The following CHD8 variants were observed in gnomAD, a reference collection of about 807,000 sequenced individuals.
CHD8 encodes the protein ATP-dependent chromatin remodeler CHD8.
Under a neutral mutation model 279.2 loss-of-function variants are expected in CHD8, and 31 were observed. That is an observed-to-expected ratio of 0.11 (90% CI 0.08 to 0.15). The LOEUF is 0.15. Ranked by LOEUF, CHD8 falls within the 10% of genes least tolerant of loss-of-function variation. The pLI is 1.00. For synonymous variants in CHD8, 1,081 were observed against 1,139.6 expected, an observed-to-expected ratio of 0.95 and a Z score of 1.04; for missense variants, 2,146 against 3,230.5, an observed-to-expected ratio of 0.66 and a Z score of 8.14.
intron 37 of CHD8, among the ~76,000 whole-genome samples, chr14:21,389,483 C>A (rs145308523): frequency 6.6e-6 from 1 of 151,880 alleles, no homozygotes; most frequent in Non-Finnish European, 1.5e-5. Context: ...TGGTAGCATG[C>A]GCCAGTGGTC....
At chr14:21,445,152 T>C (rs552598714) in intron 1 of CHD8, among the ~76,000 whole-genome samples, 84 of 152,358 alleles carry the variant, frequency 5.5e-4, no homozygotes, top group African/African-American at 2.0e-3. Context: ...CTGCCTTTAT[T>C]ACCCTTTGGC....
chr14:21,396,493 A>C (rs1006429819), intron 27 of CHD8: 3 of 152,192 alleles, frequency 2.0e-5, no homozygotes, highest in Admixed American at 6.6e-5. Flanking sequence ...TTGTTAGTAG[A>C]GATGGGGTTT....
rs1298369640 is a variant in CHD8 at position 21,385,228 on chromosome 14, G to C, written c.*385C>G. ...ATTAACTTAAATTTATTAATGCCAA[G>C]GGGAAAGAAGGTAACAGTTCCTGAC... On this transcript the variant is annotated 3_prime_UTR_variant, in exon 38 of 38. Coordinates refer to ENST00000646647, the MANE Select transcript of CHD8 (RefSeq NM_001170629.2). The C allele has an allele frequency of 4.9e-6, 1 of 204,892 alleles. No homozygotes were observed. The highest frequency in any genetic ancestry group is 2.3e-5 in the African/African-American group (1 of 43,184). 12.7% of individuals were successfully genotyped at this position (204,892 alleles called of 1,614,324 possible). A position where few individuals can be genotyped will look rare whatever the true frequency, so the allele number is the denominator to read the frequency against.
chr14:21,419,281 G>C (rs1260373777), intron 5 of CHD8, among the ~76,000 whole-genome samples: 2 of 152,128 alleles, frequency 1.3e-5, no homozygotes, highest in Non-Finnish European at 2.9e-5. Flanking sequence ...AGGGTGGGCC[G>C]GGAGCGGTGG....
chr14:21,450,886 C>T (rs1450063665), intron 1 of CHD8, among the ~76,000 whole-genome samples: 1 of 151,582 alleles, frequency 6.6e-6, no homozygotes, highest in Non-Finnish European at 1.5e-5. Context: ...TTGGCACTAT[C>T]ACATTTAAGG....
rs1888132337 is a variant in CHD8, at chr14:21,403,727, T to C, written c.3308-64A>G. On this transcript the variant is annotated intron_variant, in intron 16 of 37. Coordinates refer to ENST00000646647, the MANE Select transcript of CHD8 (RefSeq NM_001170629.2). This position sits in a 1 kb window ranked among gnomAD's most constrained non-coding sequence, Gnocchi z 4.3. Reference sequence around the variant, plus strand: ...AACCATATTAAGGTTGTAGTCTATTTAACTAAGAAAGCAAAAGGAAAAAAA... The same window carrying C: ...AACCATATTAAGGTTGTAGTCTATTCAACTAAGAAAGCAAAAGGAAAAAAA... 2 of 1,331,712 alleles carry C rather than the reference T, an allele frequency of 1.5e-6. No individual in the cohort carries two copies. Among genetic ancestry groups the C allele is most frequent in the South Asian group, 1.3e-5 (1 of 77,322 alleles). 82.5% of individuals were successfully genotyped at this position (1,331,712 alleles called of 1,614,324 possible).
At position 21,438,528 on chromosome 14, in the gene CHD8, A is replaced by AAG. The variant is rs1277709945; in HGVS notation, c.-215-6671_-215-6670insCT. On this transcript the variant is annotated intron_variant, in intron 1 of 37. Transcript: ENST00000646647. ...CTAGTCTCTTAAAAAAAAAAAAAAAAAAAGAAAGAAAGAAAAAAGAAAGAT... is the reference window on the plus strand; with the variant it reads ...CTAGTCTCTTAAAAAAAAAAAAAAAAAGAAAGAAAGAAAGAAAAAAGAAAGAT... Among the ~76,000 whole-genome samples the AAG allele has an allele frequency of 1.8e-3, 273 of 150,198 alleles. 2 individuals carry two copies. Among genetic ancestry groups the AAG allele is most frequent in the East Asian group, 2.9e-3 (15 of 5,104 alleles).
chr14:21,394,605 C>CA (rs3068337), intron 30 of CHD8, 120 bp from the exon 31 acceptor site: 52,585 of 108,448 alleles, frequency 0.48, 15,159 homozygotes, highest in Non-Finnish European at 0.51. Flanking sequence ...AAAGTAGACG[C>CA]AAAAAAAAAA....
At chr14:21,392,046 C>A (rs1357797661) in intron 34 of CHD8, 100 bp from the exon 35 acceptor site, 1 of 866,312 alleles carries the variant, frequency 1.2e-6, no homozygotes, top group Non-Finnish European at 2.0e-6. Flanking sequence ...ATCCTCTTGC[C>A]CAATGATGGT....
rs766456579 is a variant in CHD8 at position 21,400,500 on chromosome 14, G to A, written c.4483C>T (p.Arg1495Cys). ...AILVYCLLHY[R>C]GDENIKGFIW... The stretch of plus-strand genomic sequence containing the variant: ...AAGCCTTTAATATTTTCATCCCCAC[G>A]GTAGTGTAGAAGACAGTACACGAGA... Residue 1495 changes from arginine to cysteine, a missense_variant, in exon 23 of 38, where the codon CGT (arginine) becomes TGT (cysteine). Physicochemically the swap from Arg to Cys is radical, Grantham distance 180. Around this residue, in one of 26 missense-constraint regions of CHD8, gnomAD observed 73 missense variants for 153.2 expected, o/e 0.48. Transcript: ENST00000646647. The surrounding 1 kb of genome is among the most constrained non-coding windows in gnomAD (Gnocchi z 4.2). 53 of 1,612,922 alleles carry A rather than the reference G, an allele frequency of 3.3e-5. No individual in the cohort carries two copies. Among genetic ancestry groups the A allele is most frequent in the Admixed American group, 2.8e-4 (17 of 59,772 alleles).
chr14:21,401,685 A>G, intron 20 of CHD8, 172 bp from the exon 21 acceptor site: 1 of 584,938 alleles, frequency 1.7e-6, no homozygotes, highest in Admixed American at 3.4e-5. Context: ...CCTGGGTTCA[A>G]GTGATTCTCC....
At chr14:21,393,031 G>T in intron 33 of CHD8, 75 bp downstream of exon 33, 10 of 1,468,784 alleles carry the variant, frequency 6.8e-6, no homozygotes, top group Non-Finnish European at 7.3e-6. Flanking sequence ...AGAACCATAT[G>T]TTCCTTTTTC....
At chr14:21,417,047 C>T (rs1039432465) in intron 5 of CHD8, among the ~76,000 whole-genome samples, 1 of 152,062 alleles carries the variant, frequency 6.6e-6, no homozygotes, top group Non-Finnish European at 1.5e-5. Context: ...TTGCAGTGAG[C>T]AAACTTCATT....
intron 1 of CHD8, among the ~76,000 whole-genome samples, chr14:21,445,797 C>T (rs574848899): frequency 3.3e-5 from 5 of 150,372 alleles, no homozygotes; most frequent in Admixed American, 2.0e-4. Context: ...GTCAGGAGTT[C>T]GAGACCAGCC....
At position 21,455,515 on chromosome 14, in the gene CHD8, G is replaced by C. The variant is rs1358264076; in HGVS notation, c.-216+517C>G. Among the ~76,000 whole-genome samples the C allele has an allele frequency of 3.9e-5, 6 of 152,000 alleles. No homozygotes were observed. The East Asian group carries it at 1.2e-3, about 29-fold the overall frequency. ...AACAGCCTGCTCTTCACTGCCAGGAGACCCACAGAACTTACACCTGAGAAT... is the reference window on the plus strand; with the variant it reads ...AACAGCCTGCTCTTCACTGCCAGGACACCCACAGAACTTACACCTGAGAAT... On this transcript the variant is annotated intron_variant, in intron 1 of 37. Transcript: ENST00000646647.
intron 37 of CHD8, among the ~76,000 whole-genome samples, chr14:21,387,659 AGC>A (rs1887321152): frequency 6.7e-6 from 1 of 148,968 alleles, no homozygotes; most frequent in African/African-American, 2.5e-5. Context: ...AAAAAAAAAA[AGC>A]TGGGTGTGGT....
intron 25 of CHD8, 104 bp from the exon 26 acceptor site, chr14:21,399,809 T>C: frequency 1.1e-6 from 1 of 949,252 alleles, no homozygotes; most frequent in Non-Finnish European, 1.7e-6. Context: ...TTAATTTAAA[T>C]ACTCATGCAT....
At chr14:21,442,914 G>A (rs2139564696) in intron 1 of CHD8, among the ~76,000 whole-genome samples, 1 of 152,272 alleles carries the variant, frequency 6.6e-6, no homozygotes, top group Middle Eastern at 3.4e-3. Context: ...GTTAATGACT[G>A]TGAAGAACTG....
At chr14:21,427,755 T>C (rs984153317) in intron 4 of CHD8, 114 bp downstream of exon 4, 46 of 1,523,974 alleles carry the variant, frequency 3.0e-5, no homozygotes, top group Non-Finnish European at 4.0e-5. Context: ...TCTTGCCCTT[T>C]GTTTTGGAGG....
Sources: allele counts gnomAD v4.1 joint callset (sites outside exome capture counted in the v4.1 genomes callset), GRCh38; gene constraint gnomAD v4.1.1; regional missense constraint gnomAD v4.1.1; non-coding constraint Gnocchi (gnomAD v3.1); transcripts MANE v1.5; gene names NCBI Gene and HGNC (gene_info 2026-07-23, HGNC 2026-07-21).